The following SNTG1 variants were observed in gnomAD, a reference collection of about 807,000 sequenced individuals.
SNTG1 encodes gamma-1-syntrophin.
In SNTG1, 39 loss-of-function variants were observed where a neutral mutation model predicts 74.7. The ratio of observed to expected loss-of-function variants is 0.52; its 90% CI spans 0.40 to 0.68. SNTG1 has a LOEUF of 0.68. Ranked by LOEUF, SNTG1 falls within the 30% of genes least tolerant of loss-of-function variation. The probability of loss-of-function intolerance (pLI) is 0.00; values close to 1 mark genes in which losing one functional copy is unlikely to be tolerated. For synonymous variants in SNTG1, 254 were observed against 217.1 expected, an observed-to-expected ratio of 1.17 and a Z score of -1.49; for missense variants, 685 against 609.5, an observed-to-expected ratio of 1.12 and a Z score of -1.30.
chr8:50,174,109 T>A (rs1409947442), intron 2 of SNTG1, among the ~76,000 whole-genome samples: 1 of 152,226 alleles, frequency 6.6e-6, no homozygotes, highest in Non-Finnish European at 1.5e-5. Flanking sequence ...GTTCTTGTGT[T>A]AGAGTGTTGC....
intron 17 of SNTG1, among the ~76,000 whole-genome samples, chr8:50,740,582 A>C (rs1405021386): frequency 6.6e-6 from 1 of 152,068 alleles, no homozygotes; most frequent in Non-Finnish European, 1.5e-5. Flanking sequence ...ACAGTATGGT[A>C]ATTCCTCAAA....
chr8:50,067,920 A>G (rs1821034250), intron 1 of SNTG1, among the ~76,000 whole-genome samples: 1 of 152,174 alleles, frequency 6.6e-6, no homozygotes, highest in African/African-American at 2.4e-5. Flanking sequence ...GATATCTTTC[A>G]TGCAAATTCA....
At chr8:50,337,235 G>A (rs575323149) in intron 2 of SNTG1, among the ~76,000 whole-genome samples, 3 of 152,276 alleles carry the variant, frequency 2.0e-5, no homozygotes, top group East Asian at 1.9e-4. Context: ...GCCTAAAACT[G>A]GAGAAACAAG....
chr8:50,572,412 T>C (rs1006173370), intron 12 of SNTG1, among the ~76,000 whole-genome samples: 1 of 152,170 alleles, frequency 6.6e-6, no homozygotes, highest in Non-Finnish European at 1.5e-5. Context: ...CACAGTTGTA[T>C]GTGTGTGCAT....
intron 18 of SNTG1, among the ~76,000 whole-genome samples, chr8:50,765,182 A>C (rs1021375860): frequency 9.2e-5 from 14 of 152,010 alleles, no homozygotes; most frequent in African/African-American, 3.4e-4. Context: ...ATCTGAGGGG[A>C]AAAATGCCCA....
At chr8:50,280,074 A>G (rs1402365117) in intron 2 of SNTG1, among the ~76,000 whole-genome samples, 1 of 152,180 alleles carries the variant, frequency 6.6e-6, no homozygotes, top group Non-Finnish European at 1.5e-5. Flanking sequence ...AATTATTTAT[A>G]TATACTAAAG....
At chr8:50,329,424 C>G (rs1041261803) in intron 2 of SNTG1, among the ~76,000 whole-genome samples, 1 of 152,208 alleles carries the variant, frequency 6.6e-6, no homozygotes, top group African/African-American at 2.4e-5. Flanking sequence ...CCCAAACATC[C>G]TCTGAAATCT....
At chr8:50,200,091 A>G (rs2083929175) in intron 2 of SNTG1, among the ~76,000 whole-genome samples, 1 of 152,158 alleles carries the variant, frequency 6.6e-6, no homozygotes, top group Non-Finnish European at 1.5e-5. Context: ...TGACATAATA[A>G]CAGCAAATAT....
chr8:50,679,103 T>G (rs2095321279), intron 15 of SNTG1, among the ~76,000 whole-genome samples: 1 of 152,126 alleles, frequency 6.6e-6, no homozygotes, highest in Non-Finnish European at 1.5e-5. Flanking sequence ...CTGTTTGCAC[T>G]GGATAACAGC....
chr8:50,786,207 C>T, intron 18 of SNTG1, among the ~76,000 whole-genome samples: 1 of 151,958 alleles, frequency 6.6e-6, no homozygotes, highest in Admixed American at 6.6e-5. Flanking sequence ...GCACAAAAAT[C>T]AGCTGTATTT....
intron 9 of SNTG1, among the ~76,000 whole-genome samples, chr8:50,527,706 C>A (rs1424966568): frequency 2.6e-5 from 4 of 151,950 alleles, no homozygotes; most frequent in Non-Finnish European, 4.4e-5. Flanking sequence ...TTTGGCTATT[C>A]TACATCTATT....
intron 2 of SNTG1, among the ~76,000 whole-genome samples, chr8:50,388,366 G>A (rs372423820): frequency 6.6e-6 from 1 of 152,116 alleles, no homozygotes; most frequent in Non-Finnish European, 1.5e-5. Flanking sequence ...GATATTGTGT[G>A]TATCTCTATT....
intron 13 of SNTG1, among the ~76,000 whole-genome samples, chr8:50,600,615 G>A (rs1277009140): frequency 1.3e-5 from 2 of 151,710 alleles, no homozygotes; most frequent in East Asian, 3.9e-4. Context: ...AATTTCTATT[G>A]AATTTATGTG....
intron 2 of SNTG1, among the ~76,000 whole-genome samples, chr8:50,274,392 T>C (rs1312624220): frequency 6.6e-6 from 1 of 151,772 alleles, no homozygotes; most frequent in Non-Finnish European, 1.5e-5. Flanking sequence ...CGGCAATATA[T>C]AAATCATGTA....
chr8:49,985,332 T>C (rs957014666), intron 1 of SNTG1, among the ~76,000 whole-genome samples: 6 of 152,130 alleles, frequency 3.9e-5, no homozygotes, highest in Non-Finnish European at 7.4e-5. Context: ...AGTTTCACCG[T>C]GTTGGCTAGG....
chr8:50,294,128 T>C (rs1480002951), intron 2 of SNTG1, among the ~76,000 whole-genome samples: 2 of 151,884 alleles, frequency 1.3e-5, no homozygotes, highest in Non-Finnish European at 2.9e-5. Flanking sequence ...AATAATAAAA[T>C]AAAAATAATC....
At chr8:50,211,044 G>A (rs113169862) in intron 2 of SNTG1, among the ~76,000 whole-genome samples, 101 of 152,208 alleles carry the variant, frequency 6.6e-4, no homozygotes, top group African/African-American at 2.4e-3. Flanking sequence ...TAGAATCCAT[G>A]TTGTTAAACA....
rs34086906 is a variant in SNTG1, at chr8:50,515,387, GTTTTTTTT to G, written c.466+12528_466+12535del. On this transcript the variant is annotated intron_variant, in intron 9 of 18. Transcript: ENST00000642720. ...GGCAGACAACAAGCTAGCTGCAGGAGTTTTTTTTTTTTTTTTTTTTTTTTTTTTGTTAC... is the reference window on the plus strand; with the variant it reads ...GGCAGACAACAAGCTAGCTGCAGGAGTTTTTTTTTTTTTTTTTTTTGTTAC... Among the ~76,000 whole-genome samples, 535 of 80,472 alleles carry G rather than the reference GTTTTTTTT, an allele frequency of 6.6e-3. 7 individuals are homozygous for G. The Admixed American group carries it at 0.079, about 12-fold the overall frequency. The allele number at this position is 80,472 out of a possible 152,430, so 52.8% of individuals were successfully genotyped here.
intron 2 of SNTG1, among the ~76,000 whole-genome samples, chr8:50,282,198 C>T (rs1274369586): frequency 1.3e-5 from 2 of 152,140 alleles, no homozygotes; most frequent in Non-Finnish European, 2.9e-5. Flanking sequence ...ACCTCCCCTC[C>T]AACCGGAGAC....
Sources: gnomAD v4.1 joint callset for allele counts (sites outside exome capture counted in the v4.1 genomes callset) on GRCh38, gnomAD v4.1.1 for gene constraint, MANE v1.5 for transcripts, NCBI Gene and HGNC (gene_info 2026-07-23, HGNC 2026-07-21) for gene names.